The following PTDSS1 variants were observed in gnomAD, a reference collection of about 807,000 sequenced individuals.
The protein encoded by PTDSS1 is PSS-1.
A neutral mutation model predicts 70.5 loss-of-function variants in PTDSS1; 45 were observed. That is an observed-to-expected ratio of 0.64 (90% confidence interval 0.50 to 0.82). The LOEUF is 0.82. Ranked by LOEUF, PTDSS1 falls within the 40% of genes least tolerant of loss-of-function variation. The probability of loss-of-function intolerance (pLI) is 0.00; values close to 1 mark genes in which losing one functional copy is unlikely to be tolerated. For synonymous variants in PTDSS1, 188 were observed against 203.8 expected (o/e 0.92, Z 0.66); for missense variants, 417 against 586.1 (o/e 0.71, Z 2.98).
rs113487799 is a variant in PTDSS1, at chr8:96,289,169, A to G, written c.441+2023A>G. Among the ~76,000 whole-genome samples the G allele has an allele frequency of 9.7e-4, 147 of 152,236 alleles. 1 individual carries two copies. The highest frequency in any genetic ancestry group is 3.4e-3 in the African/African-American group (142 of 41,546). On this transcript the variant is annotated intron_variant, in intron 4 of 12. Transcript: ENST00000517309. ...AGGCTAGTCTCAAACTCCTGACCTC[A>G]GGTGATTTGCCCTCCCATAGTGCTG...
chr8:96,293,067 C>G (rs1252359232), intron 4 of PTDSS1, among the ~76,000 whole-genome samples: 4 of 152,174 alleles, frequency 2.6e-5, no homozygotes, highest in South Asian at 4.1e-4. Context: ...CCCTTTCTTC[C>G]CACCTCCTGC....
At position 96,311,248 on chromosome 8, in the gene PTDSS1, A is replaced by G. The variant is rs554997626; in HGVS notation, c.1073+1626A>G. On this transcript the variant is annotated intron_variant, in intron 9 of 12. Transcript: ENST00000517309. Reference sequence around the variant, plus strand: ...ACTGAAATTCCAGAGACATCCAGCAAATCTGTACATGAAGTTCAATCCCCA... The same window carrying G: ...ACTGAAATTCCAGAGACATCCAGCAGATCTGTACATGAAGTTCAATCCCCA... 1.9e-3 allele frequency among the ~76,000 whole-genome samples: 295 copies of G among 152,330 alleles called. 4 individuals are homozygous for G. Among genetic ancestry groups the G allele is most frequent in the Non-Finnish European group, 3.7e-3 (255 of 68,030 alleles).
chr8:96,274,584 G>A (rs544098049), intron 2 of PTDSS1, among the ~76,000 whole-genome samples: 12 of 152,284 alleles, frequency 7.9e-5, no homozygotes, highest in African/African-American at 2.6e-4. Flanking sequence ...AATTAGCCAG[G>A]CGTGGTGGTG....
Position 96,335,928 on chromosome 8 carries a change from C to G in PTDSS1, c.*2362C>G, listed in dbSNP as rs1811588410. On this transcript the variant is annotated 3_prime_UTR_variant, in exon 13 of 13. Transcript: ENST00000517309. ...ATGGTCCCTGTTTGCAAACCACCCT[C>G]TTAAGAGAGAACATTGTTTTGGACC... The G allele has an allele frequency of 6.6e-6, 1 of 152,188 alleles. No homozygotes were observed. The highest frequency in any genetic ancestry group is 2.4e-5 in the African/African-American group (1 of 41,454). 9.4% of individuals were successfully genotyped at this position (152,188 alleles called of 1,614,324 possible).
At chr8:96,312,478 A>T (rs775095123) in intron 9 of PTDSS1, among the ~76,000 whole-genome samples, 7,405 of 140,458 alleles carry the variant, frequency 0.053, 246 homozygotes, top group African/African-American at 0.11. Flanking sequence ...TTTTTTTTTT[A>T]AAAAAAAAAG....
At chr8:96,278,304 G>A (rs577553617) in intron 2 of PTDSS1, among the ~76,000 whole-genome samples, 3 of 152,320 alleles carry the variant, frequency 2.0e-5, no homozygotes, top group Non-Finnish European at 4.4e-5. Context: ...TTGGCTAGAA[G>A]AATGACAGGG....
chr8:96,262,290 A>AGGGGGGGGGGGGGGGGGGGGGGGGTG lies in PTDSS1; in HGVS notation c.179+77_179+78insGGGGGGGGGGGGGGGGGGTGGGGGGG. ...AGAGGCGGGAGGGAGGGTGGCGGGGAGGGGGGCCCGGCATGGCTCTGGGTG... is the reference window on the plus strand; with the variant it reads ...AGAGGCGGGAGGGAGGGTGGCGGGGAGGGGGGGGGGGGGGGGGGGGGGGGTGGGGGGGCCCGGCATGGCTCTGGGTG... On this transcript the variant is annotated intron_variant, in intron 1 of 12. Transcript: ENST00000517309. This position sits in a 1 kb window ranked among gnomAD's most constrained non-coding sequence, Gnocchi z 4.4. 5 of 387,402 alleles carry AGGGGGGGGGGGGGGGGGGGGGGGGTG rather than the reference A, an allele frequency of 1.3e-5. No individual in the cohort carries two copies. The highest frequency in any genetic ancestry group is 7.5e-5 in the East Asian group (1 of 13,388). 24.0% of individuals were successfully genotyped at this position (387,402 alleles called of 1,614,324 possible). A position where few individuals can be genotyped will look rare whatever the true frequency, so the allele number is the denominator to read the frequency against.
At chr8:96,283,999 C>A in intron 2 of PTDSS1, 110 bp from the exon 3 acceptor site, 169 of 723,382 alleles carry the variant, frequency 2.3e-4, no homozygotes, top group East Asian at 4.4e-4. Context: ...AAACTTTTAA[C>A]AGTAGAGAGC....
At chr8:96,313,268 G>C (rs1811237884) in intron 9 of PTDSS1, among the ~76,000 whole-genome samples, 1 of 152,198 alleles carries the variant, frequency 6.6e-6, no homozygotes, top group African/African-American at 2.4e-5. Context: ...TTATACGAAA[G>C]GTGTTGCACT....
chr8:96,290,785 C>T (rs1466866125), intron 4 of PTDSS1, among the ~76,000 whole-genome samples: 2 of 150,744 alleles, frequency 1.3e-5, no homozygotes, highest in Non-Finnish European at 2.9e-5. Flanking sequence ...TGATCCATGC[C>T]TGGTATCATA....
At chr8:96,271,197 T>G (rs1810561061) in intron 1 of PTDSS1, among the ~76,000 whole-genome samples, 1 of 152,322 alleles carries the variant, frequency 6.6e-6, no homozygotes, top group South Asian at 2.1e-4. Context: ...TTTTTTTGGG[T>G]GGATTTCCAG....
At chr8:96,268,582 T>G (rs1393699447) in intron 1 of PTDSS1, among the ~76,000 whole-genome samples, 1 of 152,084 alleles carries the variant, frequency 6.6e-6, no homozygotes, top group Non-Finnish European at 1.5e-5. Context: ...TACTCAAATA[T>G]TAAATTGAGA....
At chr8:96,317,124 C>T (rs1043738503) in intron 9 of PTDSS1, among the ~76,000 whole-genome samples, 13 of 149,204 alleles carry the variant, frequency 8.7e-5, no homozygotes, top group African/African-American at 3.0e-4. Flanking sequence ...TGTATTAAAC[C>T]CTCTGCTCTA....
chr8:96,324,558 T>A (rs1192444149), intron 10 of PTDSS1, among the ~76,000 whole-genome samples: 2 of 152,076 alleles, frequency 1.3e-5, no homozygotes, highest in African/African-American at 4.8e-5. Context: ...CATCCCATGG[T>A]GGAAGGGCAG....
In PTDSS1 at chr8:96,266,492, T is replaced by A. The variant is rs137863774; in HGVS notation, c.179+4273T>A. Among the ~76,000 whole-genome samples, 728 of 152,350 alleles carry A rather than the reference T, an allele frequency of 4.8e-3. 1 individual carries two copies. Among genetic ancestry groups the A allele is most frequent in the African/African-American group, 0.014 (583 of 41,576 alleles). ...ATACTTGTGGCCACCTGTATTATAT[T>A]GCTTATGGATACTTGCTAGCATTCC... On this transcript the variant is annotated intron_variant, in intron 1 of 12. Transcript: ENST00000517309.
At chr8:96,320,435 C>A in intron 10 of PTDSS1, 90 bp downstream of exon 10, 3 of 1,088,428 alleles carry the variant, frequency 2.8e-6, no homozygotes, top group Non-Finnish European at 4.1e-6. Flanking sequence ...TCTTGTGTAT[C>A]AAAGTTCCTT....
chr8:96,287,196 G>T (rs1810835533), intron 4 of PTDSS1, 50 bp downstream of exon 4: 1 of 1,592,176 alleles, frequency 6.3e-7, no homozygotes, highest in African/African-American at 1.3e-5. Context: ...CTCTTTCTTG[G>T]GTGTAAGAGG....
intron 4 of PTDSS1, among the ~76,000 whole-genome samples, chr8:96,292,816 A>G (rs1031428537): frequency 2.0e-5 from 3 of 152,222 alleles, no homozygotes; most frequent in African/African-American, 7.2e-5. Flanking sequence ...AGACAACCAC[A>G]AGCTGCTTCT....
intron 1 of PTDSS1, among the ~76,000 whole-genome samples, chr8:96,268,634 C>CTTT (rs78192816): frequency 1.8e-4 from 24 of 137,134 alleles, no homozygotes; most frequent in African/African-American, 6.2e-4. Flanking sequence ...GGAGTGCAAA[C>CTTT]TTTTTTTTTT....
Sources: allele counts gnomAD v4.1 joint callset (sites outside exome capture counted in the v4.1 genomes callset), GRCh38; gene constraint gnomAD v4.1.1; non-coding constraint Gnocchi (gnomAD v3.1); transcripts MANE v1.5; gene names NCBI Gene and HGNC (gene_info 2026-07-23, HGNC 2026-07-21).